ROBO2: variants seen among roughly 807,000 people sequenced by gnomAD.
ROBO2 encodes roundabout homolog 2.
Under a neutral mutation model 160.8 loss-of-function variants are expected in ROBO2, and 53 were observed. That is an observed-to-expected ratio of 0.33 (90% CI 0.26 to 0.41). The LOEUF is 0.41. Among genes scored for constraint, ROBO2 ranks in the 10% least tolerant of loss-of-function variants. ROBO2 has a pLI of 1.00. For missense variants in ROBO2, 1,577 were observed against 1,722.4 expected (o/e 0.92, Z 1.49); for synonymous variants, 664 against 611.7 (o/e 1.09, Z -1.26).
chr3:77,144,353 C>A (rs932326183), intron 2 of ROBO2, among the ~76,000 whole-genome samples: 1 of 152,152 alleles, frequency 6.6e-6, no homozygotes, highest in Non-Finnish European at 1.5e-5. Flanking sequence ...TGGCAGACAG[C>A]GGTCCCATAT....
intron 2 of ROBO2, among the ~76,000 whole-genome samples, chr3:75,984,449 C>A (rs952191768): frequency 6.6e-6 from 1 of 151,160 alleles, no homozygotes; most frequent in African/African-American, 2.4e-5. Context: ...TCTGGATAAA[C>A]CAATAATTAG....
At chr3:77,530,710 T>G (rs554581052) in intron 6 of ROBO2, among the ~76,000 whole-genome samples, 1 of 152,142 alleles carries the variant, frequency 6.6e-6, no homozygotes, top group South Asian at 2.1e-4. Flanking sequence ...ACTATCACTT[T>G]AATAATTAAA....
At chr3:76,967,511 CTTTTTT>C (rs59372235) in intron 2 of ROBO2, among the ~76,000 whole-genome samples, 3 of 55,388 alleles carry the variant, frequency 5.4e-5, no homozygotes, top group African/African-American at 8.7e-5. Flanking sequence ...CTGGCCAGCT[CTTTTTT>C]TTTTTTTTTT....
At position 76,834,007 on chromosome 3, in the gene ROBO2, T is replaced by TTCTC. The variant is rs1392385591; in HGVS notation, c.110-264004_110-264003insCTCT. Among the ~76,000 whole-genome samples, 24 of 28,444 alleles carry TTCTC rather than the reference T, an allele frequency of 8.4e-4. 2 individuals carry two copies. The South Asian group carries it at 0.027, about 32-fold the overall frequency. 18.7% of individuals were successfully genotyped at this position (28,444 alleles called of 152,430 possible). On this transcript the variant is annotated intron_variant, in intron 2 of 26. Transcript: ENST00000487694. ...TTTCTTTCTTTCTTTCCTTCTTTCT[T>TTCTC]TCTTTCCTTTCTTTCTTTTCTTTCT...
At chr3:76,002,251 A>G (rs1379115007) in intron 2 of ROBO2, among the ~76,000 whole-genome samples, 1 of 152,206 alleles carries the variant, frequency 6.6e-6, no homozygotes, top group Non-Finnish European at 1.5e-5. Flanking sequence ...ACACAGGGAC[A>G]GATAGGCATA....
intron 1 of ROBO2, among the ~76,000 whole-genome samples, chr3:77,080,801 T>C (rs533123598): frequency 6.6e-6 from 1 of 152,306 alleles, no homozygotes; most frequent in Middle Eastern, 3.4e-3. Context: ...CTCGTGTGTT[T>C]CTCTTCATAA....
chr3:76,252,678 A>G lies in ROBO2; in HGVS notation c.109+315076A>G, dbSNP rs564345033. On this transcript the variant is annotated intron_variant, in intron 2 of 26. Coordinates refer to the ROBO2 transcript ENST00000487694. Reference sequence around the variant, plus strand: ...GCTAATGAGAAGCATATATGTATATATACACAAATACCTATACAAATATGT... The same window carrying G: ...GCTAATGAGAAGCATATATGTATATGTACACAAATACCTATACAAATATGT... Among the ~76,000 whole-genome samples, 352 of 152,094 alleles carry G rather than the reference A, an allele frequency of 2.3e-3. 3 individuals carry two copies. The highest frequency in any genetic ancestry group is 8.1e-3 in the African/African-American group (336 of 41,524).
chr3:77,351,321 T>A (rs76846653), intron 2 of ROBO2, among the ~76,000 whole-genome samples: 1,661 of 152,278 alleles, frequency 0.011, 16 homozygotes, highest in Middle Eastern at 0.017. Flanking sequence ...GTCTGAGAGT[T>A]AACAATTCCT....
chr3:76,396,291 C>G (rs1429786119), intron 2 of ROBO2, among the ~76,000 whole-genome samples: 1 of 152,128 alleles, frequency 6.6e-6, no homozygotes. Context: ...GCTAAAAACT[C>G]TCAATAAATT....
At chr3:76,069,338 A>G (rs2107945583) in intron 2 of ROBO2, among the ~76,000 whole-genome samples, 1 of 129,104 alleles carries the variant, frequency 7.7e-6, no homozygotes, top group East Asian at 2.1e-4. Flanking sequence ...CTTACCTGTT[A>G]TTTCTATTTT....
At chr3:77,317,336 A>T (rs966030948) in intron 2 of ROBO2, 1 of 796,352 alleles carries the variant, frequency 1.3e-6, no homozygotes, top group African/African-American at 1.7e-5. Flanking sequence ...GGCCACGTGC[A>T]AGCTGACCGT....
At chr3:77,075,801 C>A (rs1319400843) in intron 1 of ROBO2, among the ~76,000 whole-genome samples, 1 of 150,452 alleles carries the variant, frequency 6.6e-6, no homozygotes, top group Non-Finnish European at 1.5e-5. Flanking sequence ...CCTCAGCCTC[C>A]CGAGTAGTTG....
At chr3:77,347,700 G>C (rs1219704254) in intron 2 of ROBO2, among the ~76,000 whole-genome samples, 1 of 151,914 alleles carries the variant, frequency 6.6e-6, no homozygotes, top group East Asian at 1.9e-4. Flanking sequence ...CCCCAAATTA[G>C]GATTTGACAC....
intron 2 of ROBO2, among the ~76,000 whole-genome samples, chr3:76,315,373 T>C (rs1253143905): frequency 6.6e-6 from 1 of 152,230 alleles, no homozygotes; most frequent in Admixed American, 6.5e-5. Flanking sequence ...ATATCTTTGC[T>C]AAGCAAAGAA....
rs1265821155 is a variant in ROBO2 at position 77,618,004 on chromosome 3, TAACTAGAACTAGAACTAA to T, written c.3554+245_3554+262del. 6 of 550,934 alleles carry T rather than the reference TAACTAGAACTAGAACTAA, an allele frequency of 1.1e-5. No individual in the cohort carries two copies. The South Asian group carries it at 1.3e-4, about 11-fold the overall frequency. 34.1% of individuals were successfully genotyped at this position (550,934 alleles called of 1,614,324 possible). On this transcript the variant is annotated intron_variant, in intron 22 of 25. Transcript: ENST00000461745. ...GGAACTGGAGCTGTAACTGTAACTG[TAACTAGAACTAGAACTAA>T]AACTAGAACTAGAGCAAGAATTCAA... is the stretch of plus-strand genomic sequence containing the variant.
In ROBO2 at chr3:76,856,574, T is replaced by C. The variant is rs2070105974; in HGVS notation, c.110-241440T>C. Among the ~76,000 whole-genome samples the C allele has an allele frequency of 2.0e-5, 3 of 152,214 alleles. No individual in the cohort carries two copies. The South Asian group carries it at 6.2e-4, about 31-fold the overall frequency. Reference sequence around the variant, plus strand: ...CCTACACTTTCTTAAATTAAGTATATGTAAGAATCTTCTGGAAAGCTTACT... The same window carrying C: ...CCTACACTTTCTTAAATTAAGTATACGTAAGAATCTTCTGGAAAGCTTACT... On this transcript the variant is annotated intron_variant, in intron 2 of 26. Transcript: ENST00000487694.
In ROBO2 at chr3:77,052,543, A is replaced by G. The variant is rs72904018; in HGVS notation, c.61+11697A>G. Among the ~76,000 whole-genome samples, 851 of 152,378 alleles carry G rather than the reference A, an allele frequency of 5.6e-3. 9 individuals are homozygous for G. Among genetic ancestry groups the G allele is most frequent in the African/African-American group, 0.02 (823 of 41,594 alleles). ...TACTACTTTGGCTATTTTGCAAATT[A>G]GATCTTACATATTGTCAAACCTTTT... On this transcript the variant is annotated intron_variant, in intron 1 of 25. Coordinates refer to ENST00000461745, the Ensembl canonical transcript of ROBO2.
intron 2 of ROBO2, among the ~76,000 whole-genome samples, chr3:77,201,433 T>A (rs1453946047): frequency 6.6e-6 from 1 of 152,176 alleles, no homozygotes; most frequent in Non-Finnish European, 1.5e-5. Context: ...ACAATTACAG[T>A]TTAATTTTTC....
intron 1 of ROBO2, among the ~76,000 whole-genome samples, chr3:75,923,938 G>A (rs1321840456): frequency 1.3e-5 from 2 of 152,146 alleles, no homozygotes; most frequent in South Asian, 2.1e-4. Flanking sequence ...TTTTAAAAAG[G>A]CCATCTACTG....
Sources: allele counts gnomAD v4.1 joint callset (sites outside exome capture counted in the v4.1 genomes callset), GRCh38; gene constraint gnomAD v4.1.1; transcripts MANE v1.5; gene names NCBI Gene and HGNC (gene_info 2026-07-23, HGNC 2026-07-21).